Variants in UBA6 observed in about 807,000 individuals in gnomAD.
The protein encoded by UBA6 is ubiquitin like modifier activating enzyme 6.
A neutral mutation model predicts 148.3 loss-of-function variants in UBA6; 87 were observed. That is an observed-to-expected ratio of 0.59 (90% CI 0.49 to 0.70). The LOEUF is 0.70. Ranked by LOEUF, UBA6 falls within the 30% of genes least tolerant of loss-of-function variation. The pLI, the probability that UBA6 is intolerant of heterozygous loss-of-function variation, is 0.00. For missense variants in UBA6, 1,186 were observed against 1,241.2 expected (o/e 0.96, Z 0.67); for synonymous variants, 376 against 401.0 (o/e 0.94, Z 0.75).
At chr4:67,630,616 T>TAA (rs2109900822) in intron 25 of UBA6, 81 bp from the exon 26 acceptor site, 1 of 848,654 alleles carries the variant, frequency 1.2e-6, no homozygotes, top group African/African-American at 1.8e-5. Flanking sequence ...CTATAGCCTT[T>TAA]AAATGTAGTT....
chr4:67,650,455 G>C (rs955274311), intron 13 of UBA6, among the ~76,000 whole-genome samples: 3 of 151,844 alleles, frequency 2.0e-5, no homozygotes, highest in Admixed American at 6.6e-5. Context: ...CTAAATTTTG[G>C]GAATTTTTGG....
At chr4:67,661,378 G>T (rs1729852141) in intron 13 of UBA6, among the ~76,000 whole-genome samples, 1 of 152,158 alleles carries the variant, frequency 6.6e-6, no homozygotes, top group African/African-American at 2.4e-5. Context: ...GATAGTGAGT[G>T]AGTCTCATGA....
chr4:67,673,342 G>T (rs1730195168), intron 7 of UBA6, among the ~76,000 whole-genome samples: 1 of 151,422 alleles, frequency 6.6e-6, no homozygotes, highest in Non-Finnish European at 1.5e-5. Context: ...CTTGAACCCG[G>T]GAGGCGGAGG....
chr4:67,666,341 A>G (rs1054518518), intron 9 of UBA6, among the ~76,000 whole-genome samples: 2 of 151,146 alleles, frequency 1.3e-5, no homozygotes, highest in African/African-American at 4.9e-5. Flanking sequence ...TTTACTTAAT[A>G]TATTATATAA....
intron 2 of UBA6, among the ~76,000 whole-genome samples, chr4:67,687,566 T>G (rs972329443): frequency 6.6e-6 from 1 of 152,162 alleles, no homozygotes; most frequent in African/African-American, 2.4e-5. Context: ...TTGTATGCAG[T>G]TAAAAATGAA....
rs1226128207 is a variant in UBA6, at chr4:67,649,052, A to AAT, written c.1248+15_1248+16insAT. ...TTCACGAGTAAAGAATTCAACTTTA[A>AAT]AAACTCAGAACTAACCCACTGGCAC... On this transcript the variant is annotated intron_variant, in intron 14 of 32. Coordinates refer to ENST00000322244, the MANE Select transcript of UBA6 (RefSeq NM_018227.6). The AAT allele has an allele frequency of 4.4e-6, 7 of 1,603,896 alleles. No homozygotes were observed. Among genetic ancestry groups the AAT allele is most frequent in the Non-Finnish European group, 5.9e-6 (7 of 1,176,892 alleles).
chr4:67,689,608 G>A (rs1488521199), intron 2 of UBA6, among the ~76,000 whole-genome samples: 2 of 152,098 alleles, frequency 1.3e-5, no homozygotes, highest in African/African-American at 4.8e-5. Flanking sequence ...CTTCATGTCA[G>A]AATTCAGAAG....
rs890899441 is a variant in UBA6, at chr4:67,644,594, C to CT, written c.1476+103dup. On this transcript the variant is annotated intron_variant, in intron 17 of 32. Transcript: ENST00000322244. ...ATCTTCCAATTTTTAGTTTAATGCT[C>CT]TATTTTCAAAAAACTGATACTTCAG... 6.2e-6 allele frequency: 4 copies of CT among 649,612 alleles called. No individual in the cohort carries two copies. The African/African-American group carries it at 7.3e-5, about 12-fold the overall frequency. The allele number at this position is 649,612 out of a possible 1,614,324, so 40.2% of individuals were successfully genotyped here. A position where few individuals can be genotyped will look rare whatever the true frequency, so the allele number is the denominator to read the frequency against.
intron 13 of UBA6, among the ~76,000 whole-genome samples, chr4:67,659,651 C>CATGTATTTTATATAGGA (rs1553907609): frequency 1.1e-4 from 2 of 17,820 alleles, no homozygotes; most frequent in Non-Finnish European, 2.6e-4. Context: ...TTTTATATAG[C>CATGTATTTTATATAGGA]ATATGCAGTG....
At chr4:67,627,172 CTTCA>C (rs369812665) in intron 27 of UBA6, among the ~76,000 whole-genome samples, 65 of 151,996 alleles carry the variant, frequency 4.3e-4, no homozygotes, top group Middle Eastern at 3.4e-3. Flanking sequence ...AAGAAATTAG[CTTCA>C]TTATCATGAA....
intron 15 of UBA6, 58 bp from the exon 16 acceptor site, chr4:67,646,074 C>T: frequency 9.9e-7 from 1 of 1,008,650 alleles, no homozygotes; most frequent in Non-Finnish European, 1.5e-6. Context: ...ATTAGTTTCA[C>T]TGTCATTAAT....
At chr4:67,692,887 G>C (rs1443612442) in intron 2 of UBA6, among the ~76,000 whole-genome samples, 1 of 152,222 alleles carries the variant, frequency 6.6e-6, no homozygotes, top group Non-Finnish European at 1.5e-5. Flanking sequence ...CGTTGTTACT[G>C]ACATCAGACA....
chr4:67,670,347 T>C, intron 8 of UBA6, 123 bp downstream of exon 8: 1 of 773,458 alleles, frequency 1.3e-6, no homozygotes, highest in South Asian at 1.9e-5. Flanking sequence ...TCCCTCATTA[T>C]CTTAAAACAC....
Position 67,612,725 on chromosome 4 carries a change from A to G in UBA6, c.*6272T>C, listed in dbSNP as rs1366554665. ...CAAATAAACCAACTGTATTTTACAC[A>G]TAATCAACAGGAAATAATGTGGGCT... On this transcript the variant is annotated 3_prime_UTR_variant, in exon 33 of 33. Transcript: ENST00000322244. 6.6e-6 allele frequency: 1 copy of G among 152,262 alleles called. No homozygotes were observed. Among genetic ancestry groups the G allele is most frequent in the Non-Finnish European group, 1.5e-5 (1 of 68,042 alleles). The allele number at this position is 152,262 out of a possible 1,614,324, so 9.4% of individuals were successfully genotyped here.
At chr4:67,676,436 C>T (rs1730283195) in intron 6 of UBA6, among the ~76,000 whole-genome samples, 2 of 152,102 alleles carry the variant, frequency 1.3e-5, no homozygotes, top group African/African-American at 4.8e-5. Context: ...TTATGAATTC[C>T]CCAGGAAAAC....
intron 4 of UBA6, among the ~76,000 whole-genome samples, chr4:67,680,146 T>C (rs907060504): frequency 2.6e-5 from 4 of 152,334 alleles, no homozygotes; most frequent in Middle Eastern, 6.8e-3. Flanking sequence ...GTACAATCCA[T>C]ACTTTCGTGA....
In UBA6 at chr4:67,648,208, C is replaced by T. The variant is rs189832597; in HGVS notation, c.1248+860G>A. Among the ~76,000 whole-genome samples, 755 of 151,840 alleles carry T rather than the reference C, an allele frequency of 5.0e-3. 8 individuals carry two copies. The highest frequency in any genetic ancestry group is 0.017 in the African/African-American group (708 of 41,432). ...AATGAGCCGGGCGCAGTGGCTCACGCCTGTAATCCCAGCACTTTGGGAGGC... is the reference window on the plus strand; with the variant it reads ...AATGAGCCGGGCGCAGTGGCTCACGTCTGTAATCCCAGCACTTTGGGAGGC... On this transcript the variant is annotated intron_variant, in intron 14 of 32. Transcript: ENST00000322244.
intron 15 of UBA6, among the ~76,000 whole-genome samples, 189 bp from the exon 16 acceptor site, chr4:67,646,205 T>C (rs1457475259): frequency 6.6e-6 from 1 of 152,194 alleles, no homozygotes; most frequent in East Asian, 1.9e-4. Context: ...CTTGGCTTAA[T>C]AGTCTAAATA....
rs375078641 is a variant in UBA6 at position 67,678,882 on chromosome 4, T to A, written c.259-349A>T. ...CAAAAAGACATATGCATTTATCCTG[T>A]GATGCAGCAATCCCACTTTTAGGAC... On this transcript the variant is annotated intron_variant, in intron 4 of 32. Coordinates refer to ENST00000322244, the MANE Select transcript of UBA6 (RefSeq NM_018227.6). Among the ~76,000 whole-genome samples the A allele has an allele frequency of 1.6e-4, 25 of 152,266 alleles. No homozygotes were observed. In the South Asian group the frequency reaches 2.9e-3, roughly 18 times the overall value.
Sources: gnomAD v4.1 joint callset for allele counts (sites outside exome capture counted in the v4.1 genomes callset) on GRCh38, gnomAD v4.1.1 for gene constraint, MANE v1.5 for transcripts, NCBI Gene and HGNC (gene_info 2026-07-23, HGNC 2026-07-21) for gene names.